Variants in DOCK3 observed in about 807,000 individuals in gnomAD.
DOCK3 encodes dedicator of cytokinesis protein 3.
A neutral mutation model predicts 265.6 loss-of-function variants in DOCK3; 60 were observed. The ratio of observed to expected loss-of-function variants is 0.23; its 90% CI spans 0.18 to 0.28. DOCK3 has a LOEUF of 0.28. Among genes scored for constraint, DOCK3 ranks in the 10% least tolerant of loss-of-function variants. DOCK3 has a pLI of 1.00. For synonymous variants in DOCK3, 881 were observed against 938.0 expected, an observed-to-expected ratio of 0.94 and a Z score of 1.11; for missense variants, 1,981 against 2,594.3, an observed-to-expected ratio of 0.76 and a Z score of 5.14.
At chr3:50,979,528 G>T (rs13069365) in intron 5 of DOCK3, among the ~76,000 whole-genome samples, 15,486 of 151,974 alleles carry the variant, frequency 0.1, 989 homozygotes, top group Non-Finnish European at 0.13. Flanking sequence ...GCTCTCTTGC[G>T]CCATCTCTGG....
At chr3:51,147,607 T>C (rs2085364108) in intron 10 of DOCK3, among the ~76,000 whole-genome samples, 1 of 152,168 alleles carries the variant, frequency 6.6e-6, no homozygotes, top group African/African-American at 2.4e-5. Flanking sequence ...TTTCTGTCCT[T>C]GTGATAGTTT....
chr3:51,286,147 A>T (rs2081392362), intron 27 of DOCK3, among the ~76,000 whole-genome samples: 1 of 152,216 alleles, frequency 6.6e-6, no homozygotes, highest in East Asian at 1.9e-4. Context: ...CGATGTAAAA[A>T]ATCAGTAGCA....
chr3:50,923,277 A>G (rs909681530), intron 4 of DOCK3, among the ~76,000 whole-genome samples: 1 of 152,210 alleles, frequency 6.6e-6, no homozygotes, highest in Non-Finnish European at 1.5e-5. Context: ...TCCTCTGCAT[A>G]GATTCCCAGT....
chr3:50,725,263 G>A (rs927787878), intron 1 of DOCK3, among the ~76,000 whole-genome samples: 1 of 152,126 alleles, frequency 6.6e-6, no homozygotes, highest in Non-Finnish European at 1.5e-5. Context: ...TACTAAATAA[G>A]GTTCTCATGT....
chr3:50,955,170 G>C (rs2076696139), intron 5 of DOCK3, among the ~76,000 whole-genome samples: 1 of 151,980 alleles, frequency 6.6e-6, no homozygotes, highest in South Asian at 2.1e-4. Context: ...TTTTTAAAAA[G>C]TCAAAAAAAA....
chr3:50,927,994 C>T (rs1202486030), intron 4 of DOCK3, among the ~76,000 whole-genome samples: 1 of 151,660 alleles, frequency 6.6e-6, no homozygotes, highest in East Asian at 1.9e-4. Context: ...GTTTTTTTCC[C>T]CTGACCTGCA....
In DOCK3 at chr3:51,152,008, A is replaced by G. The variant is rs2085624170; in HGVS notation, c.828+5378A>G. Among the ~76,000 whole-genome samples, 3 of 152,142 alleles carry G rather than the reference A, an allele frequency of 2.0e-5. No individual in the cohort carries two copies. In the South Asian group the frequency reaches 6.2e-4, roughly 32 times the overall value. On this transcript the variant is annotated intron_variant, in intron 10 of 52. Transcript: ENST00000266037. The stretch of plus-strand genomic sequence containing the variant: ...TCTTCTCAAGGAGTATCTTTGTGGC[A>G]TTCTCTGTATTTCCTGAATTTGAAT...
At chr3:51,055,707 C>T (rs1026550224) in intron 5 of DOCK3, among the ~76,000 whole-genome samples, 41 of 152,116 alleles carry the variant, frequency 2.7e-4, no homozygotes, top group Admixed American at 6.5e-5. Context: ...TCTATCCATC[C>T]GTGAATGGAT....
In DOCK3 at chr3:51,270,796, G is replaced by T. The variant is rs1334842557; in HGVS notation, c.2356-19G>T. 1 of 1,607,286 alleles carries T rather than the reference G, an allele frequency of 6.2e-7. No homozygotes were observed. Among genetic ancestry groups the T allele is most frequent in the Admixed American group, 1.7e-5 (1 of 59,586 alleles). On this transcript the variant is annotated intron_variant, in intron 23 of 52. Transcript: ENST00000266037. ...ACACCCTAACTCTGTGCTAACCACA[G>T]CTTCATTTGCTTCTGCAGGCTGCAC...
At chr3:50,990,726 G>T (rs1181428604) in intron 5 of DOCK3, among the ~76,000 whole-genome samples, 1 of 152,144 alleles carries the variant, frequency 6.6e-6, no homozygotes, top group African/African-American at 2.4e-5. Flanking sequence ...GGATTCCGAC[G>T]TTCAAGGGCA....
chr3:51,132,958 A>G (rs1430410550), intron 9 of DOCK3, among the ~76,000 whole-genome samples: 4 of 151,988 alleles, frequency 2.6e-5, no homozygotes, highest in Non-Finnish European at 5.9e-5. Flanking sequence ...GAGGAGATAC[A>G]TGCTGTGCTG....
intron 3 of DOCK3, among the ~76,000 whole-genome samples, chr3:50,889,067 GT>G (rs1382854896): frequency 0.1 from 1,501 of 14,542 alleles, 18 homozygotes; most frequent in African/African-American, 0.18. Context: ...TAAGCCATGG[GT>G]GTGTGTGTGT....
At chr3:50,871,440 G>A (rs554807142) in intron 3 of DOCK3, among the ~76,000 whole-genome samples, 77 of 151,610 alleles carry the variant, frequency 5.1e-4, no homozygotes, top group Non-Finnish European at 9.6e-4. Context: ...GCTGCTTTTA[G>A]GATCCTTTTT....
intron 3 of DOCK3, among the ~76,000 whole-genome samples, chr3:50,879,121 G>A: frequency 6.6e-6 from 1 of 152,220 alleles, no homozygotes; most frequent in East Asian, 1.9e-4. Context: ...AAGAGCTCCT[G>A]AAGGAAGCAC....
intron 38 of DOCK3, among the ~76,000 whole-genome samples, chr3:51,343,161 G>C (rs763617757): frequency 4.6e-5 from 7 of 152,164 alleles, no homozygotes; most frequent in Non-Finnish European, 8.8e-5. Context: ...GGGATGTTTA[G>C]CACCAAGAGA....
chr3:50,999,894 T>C (rs998968316), intron 5 of DOCK3, among the ~76,000 whole-genome samples: 3 of 152,166 alleles, frequency 2.0e-5, no homozygotes, highest in Admixed American at 6.5e-5. Flanking sequence ...ACAGATTTCA[T>C]TGAATGCCAT....
chr3:50,769,733 A>G (rs2041157413), intron 1 of DOCK3, among the ~76,000 whole-genome samples: 1 of 150,746 alleles, frequency 6.6e-6, no homozygotes, highest in African/African-American at 2.4e-5. Flanking sequence ...AATCGCTTGA[A>G]CCTGGGAGGC....
At chr3:50,855,924 A>G (rs1332820453) in intron 3 of DOCK3, among the ~76,000 whole-genome samples, 1 of 152,162 alleles carries the variant, frequency 6.6e-6, no homozygotes, top group Non-Finnish European at 1.5e-5. Context: ...CTTATAAGTG[A>G]GAACATGCAG....
At chr3:51,292,229 G>T (rs956642466) in intron 27 of DOCK3, among the ~76,000 whole-genome samples, 2 of 152,204 alleles carry the variant, frequency 1.3e-5, no homozygotes, top group Admixed American at 1.3e-4. Flanking sequence ...ACAATACTAA[G>T]TACTTCTGTA....
Sources: allele counts gnomAD v4.1 joint callset (sites outside exome capture counted in the v4.1 genomes callset), GRCh38; gene constraint gnomAD v4.1.1; transcripts MANE v1.5; gene names NCBI Gene and HGNC (gene_info 2026-07-23, HGNC 2026-07-21).